The following UBR4 variants were observed in gnomAD, a reference collection of about 807,000 sequenced individuals.
The protein encoded by UBR4 is E3 ubiquitin-protein ligase UBR4.
In UBR4, 124 loss-of-function variants were observed where a neutral mutation model predicts 575.6. The ratio of observed to expected loss-of-function variants is 0.22; its 90% CI spans 0.19 to 0.25. The LOEUF is 0.25. Among genes scored for constraint, UBR4 ranks in the 10% least tolerant of loss-of-function variants. UBR4 has a pLI of 1.00. For synonymous variants in UBR4, 2,455 were observed against 2,473.7 expected, an observed-to-expected ratio of 0.99 and a Z score of 0.22; for missense variants, 4,818 against 6,478.8, an observed-to-expected ratio of 0.74 and a Z score of 8.80.
At chr1:19,105,584 A>G (rs1023880365) in intron 84 of UBR4, 149 bp downstream of exon 84, 5 of 626,534 alleles carry the variant, frequency 8.0e-6, no homozygotes, top group African/African-American at 1.9e-5. Context: ...TACCATCACT[A>G]AAAGTCAGCT....
Position 19,139,881 on chromosome 1 carries a change from C to G in UBR4, c.8594-661G>C, listed in dbSNP as rs531993812. On this transcript the variant is annotated intron_variant, in intron 58 of 105. Transcript: ENST00000375254. This position sits in a 1 kb window ranked among gnomAD's most constrained non-coding sequence, Gnocchi z 4.2. ...CACAGCATCCAGGATCAGGGCTGAGCTGAGACAGGAGGAAAATGCTGGATG... is the reference window on the plus strand; with the variant it reads ...CACAGCATCCAGGATCAGGGCTGAGGTGAGACAGGAGGAAAATGCTGGATG... Among the ~76,000 whole-genome samples the G allele has an allele frequency of 3.3e-5, 5 of 152,144 alleles. No homozygotes were observed. In the East Asian group the frequency reaches 9.7e-4, roughly 29 times the overall value.
Position 19,109,571 on chromosome 1 carries a change from G to C in UBR4, c.12105+525C>G, listed in dbSNP as rs141198854. Among the ~76,000 whole-genome samples, 119 of 152,336 alleles carry C rather than the reference G, an allele frequency of 7.8e-4. 1 individual carries two copies. The highest frequency in any genetic ancestry group is 2.5e-3 in the African/African-American group (106 of 41,576). On this transcript the variant is annotated intron_variant, in intron 81 of 105. Transcript: ENST00000375254. ...TAACATTTGTTAAGGATTAACTTAG[G>C]CAGACACCGTTTTGATCACTTAGTC...
At chr1:19,128,388 T>C (rs2082049357) in intron 61 of UBR4, 70 bp from the exon 62 acceptor site, 10 of 1,316,030 alleles carry the variant, frequency 7.6e-6, no homozygotes, top group African/African-American at 1.5e-5. Context: ...ACGGGGTGTT[T>C]CAGAAGAAAT....
rs575475388 is a variant in UBR4 at position 19,100,875 on chromosome 1, G to A, written c.13024-302C>T. On this transcript the variant is annotated intron_variant, in intron 88 of 105. Coordinates refer to ENST00000375254, the MANE Select transcript of UBR4 (RefSeq NM_020765.3). This position sits in a 1 kb window ranked among gnomAD's most constrained non-coding sequence, Gnocchi z 4.2. ...TATTAAAAAATCGGGGAAGGGGTGC[G>A]AGGAGGGACTTTCCTTCCTCCTCCT... 6.6e-6 allele frequency among the ~76,000 whole-genome samples: 1 copy of A among 151,962 alleles called. No individual in the cohort carries two copies. Among genetic ancestry groups the A allele is most frequent in the Non-Finnish European group, 1.5e-5 (1 of 68,002 alleles).
At chr1:19,187,076 TTA>T (rs59833909) in intron 13 of UBR4, 86 bp downstream of exon 13, 373,121 of 724,350 alleles carry the variant, frequency 0.52, 75,866 homozygotes, top group African/African-American at 0.65. Flanking sequence ...CAAGAAAGTT[TTA>T]TATATATATA....
chr1:19,148,522 C>A, intron 50 of UBR4, 41 bp downstream of exon 50: 1 of 1,613,404 alleles, frequency 6.2e-7, no homozygotes, highest in Admixed American at 1.7e-5. Context: ...GACTTCCTGC[C>A]TCTTCAGAAA....
intron 9 of UBR4, among the ~76,000 whole-genome samples, chr1:19,193,221 T>G (rs1483205015): frequency 6.6e-6 from 1 of 152,238 alleles, no homozygotes. Flanking sequence ...ATCTTTCAAG[T>G]GTGTTCTACA....
chr1:19,099,088 G>C (rs932089525), intron 90 of UBR4, among the ~76,000 whole-genome samples: 5 of 152,188 alleles, frequency 3.3e-5, no homozygotes, highest in Non-Finnish European at 7.3e-5. Context: ...CCAGAGCGCT[G>C]GACTTCCTTC....
In UBR4 at chr1:19,183,831, G is replaced by A. The variant is rs1398803860; in HGVS notation, c.2164C>T (p.Leu722Phe). Residue 722 changes from leucine (L) to phenylalanine (F), a missense_variant, in exon 17 of 106, where the codon CTT becomes TTT. Around this residue, in one of 29 missense-constraint regions of UBR4, gnomAD observed 1,172 missense variants for 1,259.7 expected, o/e 0.93. Transcript: ENST00000375254. ...CAAACCTGCAGGTTAGGTGACTGAA[G>A]GTCAGAGGTTACCAGTGAGTGGTTG... ...HFNHSLVTSDLQSPNLQNTLL... is the reference protein window; with the variant it reads ...HFNHSLVTSDFQSPNLQNTLL... 2 of 1,614,040 alleles carry A rather than the reference G, an allele frequency of 1.2e-6. No homozygotes were observed. Among genetic ancestry groups the A allele is most frequent in the Non-Finnish European group, 1.7e-6 (2 of 1,180,036 alleles).
chr1:19,076,054 G>C (rs2075907426), intron 105 of UBR4, among the ~76,000 whole-genome samples: 1 of 152,188 alleles, frequency 6.6e-6, no homozygotes, highest in African/African-American at 2.4e-5. Context: ...TTTAACCCTA[G>C]GTGGATTTCC....
At position 19,105,209 on chromosome 1, in the gene UBR4, G is replaced by A; in HGVS notation, c.12504-20C>T. The stretch of plus-strand genomic sequence containing the variant: ...AGGTAACTGCCACCAAGAGGGACAG[G>A]GCACTCTAGTCAAGAACTCTAGCAT... On this transcript the variant is annotated intron_variant, in intron 84 of 105. Coordinates refer to ENST00000375254, the MANE Select transcript of UBR4 (RefSeq NM_020765.3). 2 of 1,604,526 alleles carry A rather than the reference G, an allele frequency of 1.2e-6. No homozygotes were observed. The highest frequency in any genetic ancestry group is 1.7e-6 in the Non-Finnish European group (2 of 1,176,844).
intron 84 of UBR4, 131 bp from the exon 85 acceptor site, chr1:19,105,320 G>A: frequency 9.0e-7 from 1 of 1,116,456 alleles, no homozygotes; most frequent in Non-Finnish European, 1.2e-6. Flanking sequence ...GAGGGTGGAG[G>A]AACAGCATCC....
rs147506908 is a variant in UBR4, at chr1:19,194,284, G to A, written c.1019-727C>T. On this transcript the variant is annotated intron_variant, in intron 8 of 105. Coordinates refer to ENST00000375254, the MANE Select transcript of UBR4 (RefSeq NM_020765.3). ...ACTGATAAGAGAAACTAGCTATAAGGGAGAAGGAGGATATGCGAACTCTAT... is the reference window on the plus strand; with the variant it reads ...ACTGATAAGAGAAACTAGCTATAAGAGAGAAGGAGGATATGCGAACTCTAT... 4.7e-4 allele frequency among the ~76,000 whole-genome samples: 71 copies of A among 152,190 alleles called. 2 individuals carry two copies. In the East Asian group the frequency reaches 0.013, roughly 29 times the overall value.
intron 101 of UBR4, among the ~76,000 whole-genome samples, chr1:19,085,902 C>A (rs1428260316): frequency 1.3e-5 from 2 of 152,156 alleles, no homozygotes; most frequent in African/African-American, 4.8e-5. Context: ...ATCTGGTACC[C>A]TGGAAGCTAA....
Position 19,112,827 on chromosome 1 carries a change from A to G in UBR4, c.11498T>C (p.Leu3833Pro). The change falls in exon 78 of 106, where the codon CTA becomes CCA. Residue 3833 changes from leucine (L) to proline (P), a missense_variant. Leu to Pro is a moderately conservative substitution (Grantham distance 98). Around this residue, in one of 29 missense-constraint regions of UBR4, gnomAD observed 333 missense variants for 459.2 expected, o/e 0.73. Coordinates refer to ENST00000375254, the MANE Select transcript of UBR4 (RefSeq NM_020765.3). ...ASRKELLEYDLQQREAATKSS... is the reference protein window; with the variant it reads ...ASRKELLEYDPQQREAATKSS... ...TTTAGTGGCTGCTTCCCTCTGCTGT[A>G]GGTCATATTCCAACAACTCTTTGCG... The G allele has an allele frequency of 6.2e-7, 1 of 1,612,152 alleles. No individual in the cohort carries two copies. Among genetic ancestry groups the G allele is most frequent in the South Asian group, 1.1e-5 (1 of 90,896 alleles).
intron 102 of UBR4, among the ~76,000 whole-genome samples, chr1:19,083,855 C>T (rs1258520355): frequency 1.3e-5 from 2 of 152,102 alleles, no homozygotes; most frequent in African/African-American, 4.8e-5. Context: ...CAGGTACCAA[C>T]CTAACTGTCC....
At chr1:19,087,771 G>A in intron 99 of UBR4, 45 bp downstream of exon 99, 1 of 1,515,964 alleles carries the variant, frequency 6.6e-7, no homozygotes, top group East Asian at 2.3e-5. Flanking sequence ...AGAACAAGGG[G>A]TCAGGCTGGG....
At position 19,162,543 on chromosome 1, in the gene UBR4, G is replaced by A. The variant is rs757435409; in HGVS notation, c.4833C>T (p.Ser1611=). The change falls in exon 35 of 106, where the codon AGC becomes AGT. Residue 1611 remains serine, a synonymous_variant. Coordinates refer to ENST00000375254, the MANE Select transcript of UBR4 (RefSeq NM_020765.3). ...GACTTGGGCCTTGACCATTACTCTG[G>A]CTCAGGGCATTCGTGACATCAGCCA... ...SYLADVTNAL[S]QSNGQGPSHL... 15 of 1,613,926 alleles carry A rather than the reference G, an allele frequency of 9.3e-6. No individual in the cohort carries two copies. The highest frequency in any genetic ancestry group is 1.3e-5 in the Non-Finnish European group (15 of 1,180,022).
At chr1:19,161,429 T>C (rs959469368) in intron 37 of UBR4, among the ~76,000 whole-genome samples, 160 bp downstream of exon 37, 1 of 152,242 alleles carries the variant, frequency 6.6e-6, no homozygotes, top group African/African-American at 2.4e-5. Context: ...ATATTCTAAA[T>C]GAAGTCCTTA....
Sources: allele counts gnomAD v4.1 joint callset (sites outside exome capture counted in the v4.1 genomes callset), GRCh38; gene constraint gnomAD v4.1.1; regional missense constraint gnomAD v4.1.1; non-coding constraint Gnocchi (gnomAD v3.1); transcripts MANE v1.5; gene names NCBI Gene and HGNC (gene_info 2026-07-23, HGNC 2026-07-21).